Variants in AUTS2 observed in about 807,000 individuals in gnomAD.
AUTS2 encodes autism susceptibility gene 2 protein.
Under a neutral mutation model 112.4 loss-of-function variants are expected in AUTS2, and 17 were observed. That is an observed-to-expected ratio of 0.15 (90% CI 0.10 to 0.23). The LOEUF (loss-of-function observed/expected upper bound fraction) is 0.23, where lower values mean the gene tolerates loss of function less well. Ranked by LOEUF, AUTS2 falls within the 10% of genes least tolerant of loss-of-function variation. The probability of loss-of-function intolerance (pLI) is 1.00; values close to 1 mark genes in which losing one functional copy is unlikely to be tolerated. For missense variants in AUTS2, 1,510 were observed against 1,701.6 expected (o/e 0.89, Z 1.98); for synonymous variants, 751 against 702.7 (o/e 1.07, Z -1.09).
At chr7:69,729,056 T>G (rs1584146254) in intron 1 of AUTS2, among the ~76,000 whole-genome samples, 1 of 152,192 alleles carries the variant, frequency 6.6e-6, no homozygotes, top group South Asian at 2.1e-4. Context: ...TGTACTATTT[T>G]CTTATTCCTA....
chr7:70,278,583 A>G (rs1788050336), intron 4 of AUTS2, among the ~76,000 whole-genome samples: 1 of 65,936 alleles, frequency 1.5e-5, no homozygotes. Flanking sequence ...TCTCAAAAAC[A>G]TACATACATA....
intron 4 of AUTS2, among the ~76,000 whole-genome samples, chr7:70,234,037 C>T (rs183090134): frequency 2.6e-5 from 4 of 152,260 alleles, no homozygotes; most frequent in Non-Finnish European, 5.9e-5. Context: ...AGTCATCACA[C>T]CTGAATACCA....
intron 4 of AUTS2, among the ~76,000 whole-genome samples, chr7:70,384,895 A>G (rs1417465331): frequency 6.6e-6 from 1 of 152,036 alleles, no homozygotes; most frequent in Non-Finnish European, 1.5e-5. Flanking sequence ...GGGGCTTGGT[A>G]TCACTAGCCT....
At chr7:70,222,519 A>G (rs1216688992) in intron 4 of AUTS2, among the ~76,000 whole-genome samples, 1 of 152,018 alleles carries the variant, frequency 6.6e-6, no homozygotes, top group Non-Finnish European at 1.5e-5. Context: ...AAAAAGTGAT[A>G]TTTTTCCTCT....
intron 4 of AUTS2, among the ~76,000 whole-genome samples, chr7:70,402,961 A>G (rs895518749): frequency 6.6e-6 from 1 of 152,148 alleles, no homozygotes; most frequent in Non-Finnish European, 1.5e-5. Flanking sequence ...TGGATTTTAA[A>G]TGCTTTTTTC....
At chr7:69,794,197 C>T (rs1789740485) in intron 1 of AUTS2, among the ~76,000 whole-genome samples, 1 of 152,206 alleles carries the variant, frequency 6.6e-6, no homozygotes, top group South Asian at 2.1e-4. Flanking sequence ...GCTTGGTTCC[C>T]TTTGCAAGGC....
intron 2 of AUTS2, among the ~76,000 whole-genome samples, chr7:69,906,761 A>G (rs1795164692): frequency 2.0e-5 from 3 of 152,176 alleles, no homozygotes; most frequent in Admixed American, 1.3e-4. Flanking sequence ...AGATTCAGTT[A>G]TGTATATACA....
intron 5 of AUTS2, among the ~76,000 whole-genome samples, chr7:70,609,183 C>A (rs1236609749): frequency 6.6e-6 from 1 of 152,104 alleles, no homozygotes; most frequent in African/African-American, 2.4e-5. Context: ...TTCTGTCTAG[C>A]TGAAATTTTA....
intron 2 of AUTS2, among the ~76,000 whole-genome samples, chr7:69,987,675 G>T (rs547746707): frequency 1.3e-5 from 2 of 152,132 alleles, no homozygotes; most frequent in East Asian, 3.9e-4. Context: ...TTGTGATGTT[G>T]CCCATGCTGG....
intron 5 of AUTS2, among the ~76,000 whole-genome samples, chr7:70,581,243 G>A (rs955258905): frequency 4.6e-5 from 7 of 152,084 alleles, no homozygotes; most frequent in South Asian, 2.1e-4. Flanking sequence ...AAAATTTGCC[G>A]GGCATGGTGG....
chr7:70,050,726 G>C (rs898676755), intron 2 of AUTS2, among the ~76,000 whole-genome samples: 4 of 152,188 alleles, frequency 2.6e-5, no homozygotes, highest in Non-Finnish European at 5.9e-5. Context: ...CAGGCGCGGT[G>C]GCTCATGCCT....
Position 70,763,355 on chromosome 7 carries a change from T to C in AUTS2, c.1214+14T>C. The C allele has an allele frequency of 6.5e-7, 1 of 1,530,468 alleles. No individual in the cohort carries two copies. Among genetic ancestry groups the C allele is most frequent in the Non-Finnish European group, 8.8e-7 (1 of 1,135,330 alleles). The allele number at this position is 1,530,468 out of a possible 1,614,324, so 94.8% of individuals were successfully genotyped here. ...CAACAGTTTAAGGTGAGTGGCCTGC[T>C]CTTCTTTGGCCTGACTTTTGCCCTC... On this transcript the variant is annotated intron_variant, in intron 7 of 18. Coordinates refer to ENST00000342771, the MANE Select transcript of AUTS2 (RefSeq NM_015570.4).
intron 1 of AUTS2, among the ~76,000 whole-genome samples, chr7:69,724,840 A>G (rs1170491559): frequency 6.6e-6 from 1 of 152,182 alleles, no homozygotes; most frequent in Non-Finnish European, 1.5e-5. Flanking sequence ...CTTTTTGGGG[A>G]TCCATGTCCA....
intron 14 of AUTS2, among the ~76,000 whole-genome samples, chr7:70,780,655 T>TTAC (rs1193490966): frequency 6.6e-6 from 1 of 152,144 alleles, no homozygotes; most frequent in Non-Finnish European, 1.5e-5. Context: ...GGATTATGGT[T>TTAC]TACTTGTCTG....
chr7:70,030,631 A>C (rs1563052137), intron 2 of AUTS2, among the ~76,000 whole-genome samples: 1 of 152,166 alleles, frequency 6.6e-6, no homozygotes, highest in Non-Finnish European at 1.5e-5. Context: ...TATACTTAAT[A>C]AAGGCAGGTG....
chr7:69,864,710 A>G (rs1011908145), intron 1 of AUTS2, among the ~76,000 whole-genome samples: 1 of 152,190 alleles, frequency 6.6e-6, no homozygotes, highest in Non-Finnish European at 1.5e-5. Context: ...GACTCTTAAA[A>G]TCGGATAACA....
chr7:70,140,567 A>G (rs1225449212), intron 4 of AUTS2, among the ~76,000 whole-genome samples: 10 of 152,198 alleles, frequency 6.6e-5, no homozygotes, highest in Admixed American at 5.9e-4. Flanking sequence ...ACTTGCTGTG[A>G]TGCTAGGAAA....
intron 1 of AUTS2, among the ~76,000 whole-genome samples, chr7:69,838,301 T>C (rs1562919043): frequency 6.6e-6 from 1 of 151,696 alleles, no homozygotes; most frequent in Non-Finnish European, 1.5e-5. Flanking sequence ...CCTAAAGCGA[T>C]TGATGATGAT....
At chr7:70,761,444 A>G (rs1187229627) in intron 6 of AUTS2, among the ~76,000 whole-genome samples, 2 of 152,266 alleles carry the variant, frequency 1.3e-5, no homozygotes, top group Non-Finnish European at 2.9e-5. Context: ...AGAATGCCTG[A>G]AAAACACCTT....
Sources: allele counts gnomAD v4.1 joint callset (sites outside exome capture counted in the v4.1 genomes callset), GRCh38; gene constraint gnomAD v4.1.1; transcripts MANE v1.5; gene names NCBI Gene and HGNC (gene_info 2026-07-23, HGNC 2026-07-21).